The following SETX variants were observed in gnomAD, a reference collection of about 807,000 sequenced individuals.
SETX encodes the protein helicase senataxin.
A neutral mutation model predicts 227.2 loss-of-function variants in SETX; 90 were observed. The ratio of observed to expected loss-of-function variants is 0.40; its 90% confidence interval spans 0.33 to 0.47. The LOEUF (loss-of-function observed/expected upper bound fraction) is 0.47. Ranked by LOEUF, SETX falls within the 20% of genes least tolerant of loss-of-function variation. SETX has a pLI of 0.91. For synonymous variants in SETX, 1,210 were observed against 1,113.2 expected (o/e 1.09, Z -1.73); for missense variants, 3,052 against 3,181.5 (o/e 0.96, Z 0.98).
chr9:132,276,955 C>T (rs1843196277), intron 22 of SETX, 105 bp downstream of exon 22: 1 of 973,082 alleles, frequency 1.0e-6, no homozygotes, highest in Non-Finnish European at 1.6e-6. Context: ...TGCCCTGACA[C>T]TAGGCAGAGA....
At position 132,323,944 on chromosome 9, in the gene SETX, CA is replaced by C. The variant is rs530726907; in HGVS notation, c.5274+2379del. ...AAAGATAAAAATGGAAAGAAATTTC[CA>C]AAGGACTCATTAAGAATAGAAAATA... On this transcript the variant is annotated intron_variant, in intron 10 of 25. Coordinates refer to ENST00000224140, the MANE Select transcript of SETX (RefSeq NM_015046.7). 2.5e-3 allele frequency among the ~76,000 whole-genome samples: 378 copies of C among 151,876 alleles called. 2 individuals carry two copies. Among genetic ancestry groups the C allele is most frequent in the Admixed American group, 9.4e-3 (144 of 15,254 alleles).
Position 132,329,026 on chromosome 9 carries a change from A to T in SETX, c.2572T>A (p.Ser858Thr), listed in dbSNP as rs1421226359. The change falls in exon 10 of 26, where the codon TCT (serine) becomes ACT (threonine). Residue 858 changes from serine to threonine, a missense_variant. By Grantham distance (58) the Ser-to-Thr change is moderately conservative. This residue lies in a region of SETX where 1,483 missense variants were observed against 1,312.0 expected (regional missense o/e 1.13). Coordinates refer to ENST00000224140, the MANE Select transcript of SETX (RefSeq NM_015046.7). ...TCTTTTGGCAATACATTGTTTTGAG[A>T]TTTTTGTTCTCCATTCTTATCATCC... ...VLDDKNGEQKSQNNVLPKEKQ... is the reference protein window; with the variant it reads ...VLDDKNGEQKTQNNVLPKEKQ... 6.2e-7 allele frequency: 1 copy of T among 1,607,076 alleles called. No homozygotes were observed. The highest frequency in any genetic ancestry group is 8.5e-7 in the Non-Finnish European group (1 of 1,177,392).
chr9:132,312,002 T>C (rs1447157443), intron 10 of SETX, 146 bp from the exon 11 acceptor site: 7 of 692,452 alleles, frequency 1.0e-5, no homozygotes, highest in South Asian at 9.3e-5. Flanking sequence ...GGCAGGTTAA[T>C]ACAATTATCT....
rs1198428391 is a variant in SETX, at chr9:132,353,767, A to G, written c.-114-12T>C. 1 of 152,302 alleles carries G rather than the reference A, an allele frequency of 6.6e-6. No individual in the cohort carries two copies. Among genetic ancestry groups the G allele is most frequent in the Non-Finnish European group, 1.5e-5 (1 of 68,086 alleles). 9.4% of individuals were successfully genotyped at this position (152,302 alleles called of 1,614,324 possible). ...CCAAAAGAACATTTCTGAAATTAAA[A>G]AACAAAAAACGAAATTGGTAAGTGG... On this transcript the variant is annotated splice_polypyrimidine_tract_variant and intron_variant, in intron 1 of 25. Transcript: ENST00000224140.
intron 12 of SETX, 83 bp from the exon 13 acceptor site, chr9:132,298,395 T>C: frequency 8.8e-7 from 1 of 1,136,502 alleles, no homozygotes. Context: ...GAATTAGGTA[T>C]TTTTAACATA....
At position 132,330,082 on chromosome 9, in the gene SETX, T is replaced by G. The variant is rs1442424979; in HGVS notation, c.1516A>C (p.Lys506Gln). The G allele has an allele frequency of 6.2e-7, 1 of 1,614,224 alleles. No individual in the cohort carries two copies. Among genetic ancestry groups the G allele is most frequent in the South Asian group, 1.1e-5 (1 of 91,088 alleles). The change falls in exon 10 of 26, where the codon AAA becomes CAA. Residue 506 changes from lysine (K) to glutamine (Q), a missense_variant. Lys to Gln is a moderately conservative substitution (Grantham distance 53). Transcript: ENST00000224140. ...PTTAFTRSSE[K>Q]SSGNCSKGTA... ...CCTTTGGAGCAATTTCCAGATGATTTCTCAGAACTCCGTGTAAACGCAGTG... is the reference window on the plus strand; with the variant it reads ...CCTTTGGAGCAATTTCCAGATGATTGCTCAGAACTCCGTGTAAACGCAGTG...
intron 11 of SETX, among the ~76,000 whole-genome samples, chr9:132,307,995 G>A (rs905602823): frequency 3.3e-5 from 5 of 152,046 alleles, no homozygotes; most frequent in Admixed American, 2.6e-4. Flanking sequence ...AATTAAACTC[G>A]TTATTCTGAA....
At position 132,264,456 on chromosome 9, in the gene SETX, C is replaced by T. The variant is rs1212256836; in HGVS notation, c.7817G>A (p.Gly2606Asp). 3 of 1,613,816 alleles carry T rather than the reference C, an allele frequency of 1.9e-6. No homozygotes were observed. Among genetic ancestry groups the T allele is most frequent in the African/African-American group, 1.3e-5 (1 of 74,898 alleles). Residue 2606 changes from glycine (G) to aspartate (D), a missense_variant, in exon 26 of 26, where the codon GGC becomes GAC. By Grantham distance (94) the Gly-to-Asp change is moderately conservative. This residue lies in a region of SETX where 294 missense variants were observed against 278.8 expected (regional missense o/e 1.05). Coordinates refer to ENST00000224140, the MANE Select transcript of SETX (RefSeq NM_015046.7). ...CTCGGGACTGGCAGCTGGAGGTTCG[C>T]CCCGCACGGGAGGTTTGTGGCTGCT... ...ALSSHKPPVR[G>D]EPPAASPEAS... is the part of the protein sequence containing the mutation.
In SETX at chr9:132,332,906, C is replaced by T. The variant is rs1346705787; in HGVS notation, c.839-1458G>A. Among the ~76,000 whole-genome samples, 5 of 144,430 alleles carry T rather than the reference C, an allele frequency of 3.5e-5. No individual in the cohort carries two copies. In the East Asian group the frequency reaches 1.0e-3, roughly 29 times the overall value. The allele number at this position is 144,430 out of a possible 152,430, so 94.8% of individuals were successfully genotyped here. On this transcript the variant is annotated intron_variant, in intron 7 of 25. Coordinates refer to ENST00000224140, the MANE Select transcript of SETX (RefSeq NM_015046.7). ...ACTCCAGGGTGGGTGATAGTGAGAT[C>T]CTGTCTCAAAAGAAAAAAAAAAAAA...
rs745338382 is a variant in SETX at position 132,281,547 on chromosome 9, G to A, written c.6574C>T (p.Leu2192Phe). Residue 2192 changes from leucine (L) to phenylalanine (F), a missense_variant, in exon 20 of 26, where the codon CTT becomes TTT. Around this residue, in one of 10 missense-constraint regions of SETX, gnomAD observed 412 missense variants for 589.0 expected, o/e 0.70. Transcript: ENST00000224140. ...TTGCAGCGATGGATGAGTGGAGTAA[G>A]AGTCTCAATTTCACAAGACTGTCCA... The part of the protein sequence containing the change: ...EAGQSCEIET[L>F]TPLIHRCNKL... 6.2e-7 allele frequency: 1 copy of A among 1,613,960 alleles called. No homozygotes were observed. Among genetic ancestry groups the A allele is most frequent in the South Asian group, 1.1e-5 (1 of 91,078 alleles).
chr9:132,349,174 T>A, intron 3 of SETX, 78 bp downstream of exon 3: 2 of 1,331,830 alleles, frequency 1.5e-6, no homozygotes, highest in Non-Finnish European at 2.2e-6. Context: ...TTTCTCTGAA[T>A]ACTTCCAACG....
chr9:132,356,273 G>C (rs1249690905), upstream of SETX, among the ~76,000 whole-genome samples: 1 of 151,934 alleles, frequency 6.6e-6, no homozygotes, highest in African/African-American at 2.4e-5. Context: ...CGCAGTCTCG[G>C]CTCACTGCAA....
chr9:132,351,124 A>T (rs565143409), intron 2 of SETX, among the ~76,000 whole-genome samples: 54 of 152,308 alleles, frequency 3.5e-4, no homozygotes, highest in African/African-American at 1.2e-3. Flanking sequence ...ACATCACACT[A>T]CTAGTAAGTT....
chr9:132,351,681 G>A (rs1218073410), intron 2 of SETX, among the ~76,000 whole-genome samples: 2 of 152,214 alleles, frequency 1.3e-5, no homozygotes, highest in African/African-American at 2.4e-5. Flanking sequence ...TGGCCTAATG[G>A]CTAAGCCCAG....
chr9:132,327,239 T>C lies in SETX; in HGVS notation c.4359A>G (p.Thr1453=), dbSNP rs200885028. 18 of 1,614,218 alleles carry C rather than the reference T, an allele frequency of 1.1e-5. No homozygotes were observed. In the East Asian group the frequency reaches 3.3e-4, roughly 30 times the overall value. Residue 1453 remains threonine (T), a synonymous_variant, in exon 10 of 26, where the codon ACA becomes ACG. Transcript: ENST00000224140. ...DSVVLNGTVP[T]NEVIVSTSED... The stretch of plus-strand genomic sequence containing the variant: ...CTGAAGTGGAGACAATTACTTCATT[T>C]GTTGGTACTGTTCCATTTAACACTA...
At chr9:132,355,860 G>A (rs1419266979), upstream of SETX, among the ~76,000 whole-genome samples, 2 of 151,836 alleles carry the variant, frequency 1.3e-5, no homozygotes, top group African/African-American at 2.4e-5. Context: ...GGTGGCGGGT[G>A]CCTGTAATCC....
intron 23 of SETX, 28 bp from the exon 24 acceptor site, chr9:132,271,836 T>C (rs1288141341): frequency 1.3e-6 from 2 of 1,574,678 alleles, no homozygotes; most frequent in Admixed American, 3.3e-5. Flanking sequence ...ACATATTTAC[T>C]GGAAAAAGGA....
rs1564546605 is a variant in SETX at position 132,329,942 on chromosome 9, C to T, written c.1656G>A (p.Gln552=). 5.6e-6 allele frequency: 9 copies of T among 1,614,194 alleles called. No homozygotes were observed. The highest frequency in any genetic ancestry group is 7.6e-6 in the Non-Finnish European group (9 of 1,180,020). Residue 552 remains glutamine, a synonymous_variant, in exon 10 of 26, where the codon CAG becomes CAA. Coordinates refer to ENST00000224140, the MANE Select transcript of SETX (RefSeq NM_015046.7). ...TATCCCAGAATCGCTTGCAAAGAGA[C>T]TGCTGCCCAAGCTGATAACCTTCTT... is the stretch of plus-strand genomic sequence containing the variant. ...LLKEGYQLGQ[Q]SLCKRFWDKL...
At chr9:132,326,154 G>A (rs1380537116) in intron 10 of SETX, among the ~76,000 whole-genome samples, 170 bp downstream of exon 10, 1 of 151,608 alleles carries the variant, frequency 6.6e-6, no homozygotes, top group Admixed American at 6.6e-5. Flanking sequence ...TGCAACCTCC[G>A]CCTCCTGGGT....
Sources: gnomAD v4.1 joint callset for allele counts (sites outside exome capture counted in the v4.1 genomes callset) on GRCh38, gnomAD v4.1.1 for gene constraint, gnomAD v4.1.1 regional missense constraint, MANE v1.5 for transcripts, NCBI Gene and HGNC (gene_info 2026-07-23, HGNC 2026-07-21) for gene names.